The following SEPTIN8 variants were observed in gnomAD, a reference collection of about 807,000 sequenced individuals.
SEPTIN8 encodes septin-8.
A neutral mutation model predicts 53.1 loss-of-function variants in SEPTIN8; 22 were observed. The ratio of observed to expected loss-of-function variants is 0.41; its 90% CI spans 0.30 to 0.59. SEPTIN8 has a LOEUF of 0.59. Ranked by LOEUF, SEPTIN8 falls within the 20% of genes least tolerant of loss-of-function variation. SEPTIN8 has a pLI of 0.24. For synonymous variants in SEPTIN8, 228 were observed against 248.4 expected (o/e 0.92, Z 0.77); for missense variants, 536 against 638.7 (o/e 0.84, Z 1.73).
rs946625328 is a variant in SEPTIN8, at chr5:132,754,594, A to G, written c.1287-2413T>C. ...AGACAACCTTCTGCTCTGGCTTTCTATAAATGATAGAACTCTTCTATAGGG... is the reference window on the plus strand; with the variant it reads ...AGACAACCTTCTGCTCTGGCTTTCTGTAAATGATAGAACTCTTCTATAGGG... On this transcript the variant is annotated intron_variant, in intron 9 of 9. Transcript: ENST00000378719. The G allele has an allele frequency of 5.6e-6, 4 of 710,186 alleles. No homozygotes were observed. The African/African-American group carries it at 7.0e-5, about 12-fold the overall frequency. The allele number at this position is 710,186 out of a possible 1,614,324, so 44.0% of individuals were successfully genotyped here.
intron 9 of SEPTIN8, chr5:132,752,888 G>A: frequency 6.2e-7 from 1 of 1,613,934 alleles, no homozygotes; most frequent in Non-Finnish European, 8.5e-7. Context: ...CAGTACAGCT[G>A]CTGCAAGGAA....
chr5:132,777,826 C>T, upstream of SEPTIN8: 1 of 985,506 alleles, frequency 1.0e-6, no homozygotes, highest in Non-Finnish European at 1.2e-6. The surrounding 1 kb of genome is among the most constrained non-coding windows in gnomAD (Gnocchi z 4.1). Flanking sequence ...GCGGCCTTCC[C>T]GGGCAAGGGA....
chr5:132,757,818 C>T, intron 9 of SEPTIN8: 1 of 985,444 alleles, frequency 1.0e-6, no homozygotes, highest in Non-Finnish European at 1.2e-6. Flanking sequence ...TCCTTTGCCG[C>T]TCATTTTTCC....
At position 132,761,389 on chromosome 5, in the gene SEPTIN8, G is replaced by T; in HGVS notation, c.962+69C>A. 6.3e-7 allele frequency: 1 copy of T among 1,586,114 alleles called. No individual in the cohort carries two copies. The highest frequency in any genetic ancestry group is 8.6e-7 in the Non-Finnish European group (1 of 1,168,392). On this transcript the variant is annotated intron_variant, in intron 7 of 9. Coordinates refer to ENST00000378719, the MANE Select transcript of SEPTIN8 (RefSeq NM_001098811.2). This position sits in a 1 kb window ranked among gnomAD's most constrained non-coding sequence, Gnocchi z 5.8. ...GTAAGAGGATGTGGGGTCCCTCAGG[G>T]AACAGATGCCAGGGTGGTGTGTCTG...
In SEPTIN8 at chr5:132,752,119, G is replaced by GAGAGC; in HGVS notation, c.1348_1349insGCTCT (p.Thr450SerfsTer10). The stretch of plus-strand genomic sequence containing the variant: ...GTTCAAGGGCTCCACACTGGCCTTG[G>GAGAGC]TCATCATCACCTTAGAGCTGGAGAG... On this transcript the variant is annotated frameshift_variant, in exon 10 of 10. Coordinates refer to ENST00000378719, the MANE Select transcript of SEPTIN8 (RefSeq NM_001098811.2). LOFTEE classifies it high-confidence loss of function. The GAGAGC allele has an allele frequency of 3.8e-6, 6 of 1,598,768 alleles. No homozygotes were observed. The highest frequency in any genetic ancestry group is 5.1e-6 in the Non-Finnish European group (6 of 1,172,180).
rs1160573936 is a variant in SEPTIN8 at position 132,750,872 on chromosome 5, A to G, written c.*1144T>C. On this transcript the variant is annotated 3_prime_UTR_variant, in exon 10 of 10. Coordinates refer to ENST00000378719, the MANE Select transcript of SEPTIN8 (RefSeq NM_001098811.2). ...CTTTTTACAGTTTATTCCACAAGTAAAAGACTTCACAAAGCACTATGGCTC... is the reference window on the plus strand; with the variant it reads ...CTTTTTACAGTTTATTCCACAAGTAGAAGACTTCACAAAGCACTATGGCTC... 1.2e-6 allele frequency: 2 copies of G among 1,613,944 alleles called. No homozygotes were observed. The highest frequency in any genetic ancestry group is 1.7e-6 in the Non-Finnish European group (2 of 1,180,006).
chr5:132,763,556 A>C, intron 4 of SEPTIN8, 150 bp downstream of exon 4: 6 of 692,962 alleles, frequency 8.7e-6, no homozygotes, highest in Admixed American at 2.3e-5. Context: ...AACAGACGCA[A>C]GACAGAGAGA....
In SEPTIN8 at chr5:132,752,199, A is replaced by G; in HGVS notation, c.1287-18T>C. On this transcript the variant is annotated intron_variant, in intron 9 of 9. Coordinates refer to ENST00000378719, the MANE Select transcript of SEPTIN8 (RefSeq NM_001098811.2). Reference sequence around the variant, plus strand: ...CTGATCTGCTAAAGAAAGCACAGGTAGACATCAACTTTGCCCCAGACCAGG... The same window carrying G: ...CTGATCTGCTAAAGAAAGCACAGGTGGACATCAACTTTGCCCCAGACCAGG... 1 of 1,565,000 alleles carries G rather than the reference A, an allele frequency of 6.4e-7. No homozygotes were observed. Among genetic ancestry groups the G allele is most frequent in the Non-Finnish European group, 8.7e-7 (1 of 1,152,676 alleles).
At chr5:132,762,070 G>C (rs1264794904) in intron 5 of SEPTIN8, among the ~76,000 whole-genome samples, 174 bp from the exon 6 acceptor site, 1 of 152,096 alleles carries the variant, frequency 6.6e-6, no homozygotes, top group Admixed American at 6.5e-5. Flanking sequence ...TCCAAACAGG[G>C]GAGTGGGCTG....
intron 1 of SEPTIN8, among the ~76,000 whole-genome samples, chr5:132,768,351 T>A (rs1271767173): frequency 2.0e-5 from 3 of 152,198 alleles, no homozygotes; most frequent in African/African-American, 7.2e-5. Flanking sequence ...GAATGGCCAC[T>A]GGCCCTGATG....
At chr5:132,758,536 A>C in intron 9 of SEPTIN8, 1 of 1,613,458 alleles carries the variant, frequency 6.2e-7, no homozygotes, top group Non-Finnish European at 8.5e-7. Flanking sequence ...GACACTGTAA[A>C]TGGAAGACCA....
At position 132,761,704 on chromosome 5, in the gene SEPTIN8, G is replaced by T; in HGVS notation, c.794-78C>A. 6.3e-7 allele frequency: 1 copy of T among 1,589,974 alleles called. No individual in the cohort carries two copies. Among genetic ancestry groups the T allele is most frequent in the Non-Finnish European group, 8.6e-7 (1 of 1,165,228 alleles). ...CCAGAGTCAGGGTAGGCACGCAGGT[G>T]GGCATGAGGAGGAAACAGCACAGGG... On this transcript the variant is annotated intron_variant, in intron 6 of 9. Transcript: ENST00000378719. This position sits in a 1 kb window ranked among gnomAD's most constrained non-coding sequence, Gnocchi z 5.8.
intron 9 of SEPTIN8, chr5:132,753,761 C>G (rs777620363): frequency 6.6e-6 from 1 of 152,454 alleles, no homozygotes; most frequent in African/African-American, 2.4e-5. Context: ...GAGGCCAAGC[C>G]TGCTCCAACC....
Position 132,773,519 on chromosome 5 carries a change from T to A in SEPTIN8, c.30+3589A>T, listed in dbSNP as rs753404270. Among the ~76,000 whole-genome samples, 1 of 152,178 alleles carries A rather than the reference T, an allele frequency of 6.6e-6. No homozygotes were observed. The highest frequency in any genetic ancestry group is 2.4e-5 in the African/African-American group (1 of 41,448). On this transcript the variant is annotated intron_variant, in intron 1 of 9. Coordinates refer to ENST00000378719, the MANE Select transcript of SEPTIN8 (RefSeq NM_001098811.2). This position sits in a 1 kb window ranked among gnomAD's most constrained non-coding sequence, Gnocchi z 4.2. ...GCCAAGGTATCCACCCTCTCTGTCA[T>A]CTCTGGTATTGGAATTTGGATCTTG...
intron 1 of SEPTIN8, chr5:132,775,735 G>A (rs1408675539): frequency 1.3e-5 from 2 of 152,202 alleles, no homozygotes; most frequent in East Asian, 1.9e-4. Flanking sequence ...AGGCACTCAC[G>A]GGTCTCTTGG....
chr5:132,761,780 C>T lies in SEPTIN8; in HGVS notation c.793+20G>A. 6.3e-7 allele frequency: 1 copy of T among 1,599,626 alleles called. No individual in the cohort carries two copies. The highest frequency in any genetic ancestry group is 8.5e-7 in the Non-Finnish European group (1 of 1,172,350). ...GGAACTCAGTTCTACCCCCAGGATG[C>T]ATTTCCTGTCCACACTCACCCTGCA... On this transcript the variant is annotated intron_variant, in intron 6 of 9. Transcript: ENST00000378719. The surrounding 1 kb of genome is among the most constrained non-coding windows in gnomAD (Gnocchi z 5.8).
At chr5:132,756,268 C>T (rs1349694455) in intron 9 of SEPTIN8, 2 of 985,260 alleles carry the variant, frequency 2.0e-6, no homozygotes, top group East Asian at 1.1e-4. Context: ...GTACCCACAA[C>T]TAGAAAGAAC....
intron 4 of SEPTIN8, 100 bp from the exon 5 acceptor site, chr5:132,762,745 C>G (rs1244038382): frequency 7.5e-6 from 10 of 1,326,236 alleles, no homozygotes; most frequent in Non-Finnish European, 1.1e-5. Flanking sequence ...CAGGCCATAT[C>G]CCTGGGCAGG....
rs758661539 is a variant in SEPTIN8, at chr5:132,764,286, C to A, written c.285G>T (p.Val95=). The A allele has an allele frequency of 1.2e-6, 2 of 1,614,194 alleles. No individual in the cohort carries two copies. Among genetic ancestry groups the A allele is most frequent in the Non-Finnish European group, 1.7e-6 (2 of 1,180,028 alleles). ...PQTYDLQESN[V]QLKLTIVDAV... is the part of the protein sequence containing the mutation. Reference sequence around the variant, plus strand: ...CATCCACAATGGTCAGCTTGAGCTGCACGTTGCTCTCCTGGAGGTCATAGG... The same window carrying A: ...CATCCACAATGGTCAGCTTGAGCTGAACGTTGCTCTCCTGGAGGTCATAGG... The change falls in exon 3 of 10, where the codon GTG becomes GTT. Residue 95 remains valine (V), a synonymous_variant. Coordinates refer to ENST00000378719, the MANE Select transcript of SEPTIN8 (RefSeq NM_001098811.2).
Sources: gnomAD v4.1 joint callset for allele counts (sites outside exome capture counted in the v4.1 genomes callset) on GRCh38, gnomAD v4.1.1 for gene constraint, Gnocchi (gnomAD v3.1) non-coding constraint, MANE v1.5 for transcripts, NCBI Gene and HGNC (gene_info 2026-07-23, HGNC 2026-07-21) for gene names.